HEATR5A: variants seen among roughly 807,000 people sequenced by gnomAD.
HEATR5A encodes HEAT repeat containing 5A.
HEATR5A carries 178 observed loss-of-function variants against 218.8 expected under a neutral mutation model. The ratio of observed to expected loss-of-function variants is 0.81; its 90% CI spans 0.72 to 0.92. HEATR5A has a LOEUF of 0.92. Ranked by LOEUF, HEATR5A falls within the 40% of genes least tolerant of loss-of-function variation. The pLI is 0.00. For synonymous variants in HEATR5A, 864 were observed against 871.6 expected, an observed-to-expected ratio of 0.99 and a Z score of 0.15; for missense variants, 2,420 against 2,418.9, an observed-to-expected ratio of 1.00 and a Z score of -0.01.
chr14:31,375,487 A>AC (rs1057509033), intron 11 of HEATR5A, among the ~76,000 whole-genome samples: 2 of 151,954 alleles, frequency 1.3e-5, no homozygotes, highest in Non-Finnish European at 2.9e-5. Flanking sequence ...CTCAATCTCA[A>AC]CCCCCCTGAG....
At chr14:31,413,954 T>A (rs1301412053) in intron 1 of HEATR5A, among the ~76,000 whole-genome samples, 4 of 152,228 alleles carry the variant, frequency 2.6e-5, no homozygotes. Context: ...TTCACTTTTA[T>A]GTCTCCAGTA....
chr14:31,338,017 T>C (rs1463626273), intron 21 of HEATR5A, among the ~76,000 whole-genome samples: 3 of 152,180 alleles, frequency 2.0e-5, no homozygotes, highest in African/African-American at 7.2e-5. Context: ...TTTATACACA[T>C]CCATATAGGC....
Position 31,365,052 on chromosome 14 carries a change from A to G in HEATR5A, c.1962-754T>C, listed in dbSNP as rs150004603. On this transcript the variant is annotated intron_variant, in intron 13 of 35. Transcript: ENST00000543095. ...ACCATGCCCGGCTAATTTTTGTATTATTGGTAGAGACGGGGTTTTACCATA... is the reference window on the plus strand; with the variant it reads ...ACCATGCCCGGCTAATTTTTGTATTGTTGGTAGAGACGGGGTTTTACCATA... Among the ~76,000 whole-genome samples the G allele has an allele frequency of 2.6e-5, 4 of 151,016 alleles. No homozygotes were observed. The East Asian group carries it at 8.0e-4, about 30-fold the overall frequency.
chr14:31,371,616 T>C (rs1902040162), intron 13 of HEATR5A, 194 bp downstream of exon 13: 1 of 394,820 alleles, frequency 2.5e-6, no homozygotes, highest in South Asian at 6.6e-5. Flanking sequence ...AGGTAGATTA[T>C]TCCCCTAAAA....
chr14:31,400,616 GA>G, intron 2 of HEATR5A, 104 bp from the exon 3 acceptor site: 1 of 746,112 alleles, frequency 1.3e-6, no homozygotes, highest in East Asian at 2.8e-5. Flanking sequence ...AAAGGCTCTA[GA>G]AAAATACAAA....
rs77314233 is a variant in HEATR5A at position 31,334,220 on chromosome 14, G to A, written c.3367+3256C>T. 2,950 of 296,688 alleles carry A rather than the reference G, an allele frequency of 9.9e-3. 63 individuals carry two copies. Among genetic ancestry groups the A allele is most frequent in the African/African-American group, 0.058 (2,673 of 46,156 alleles). 18.4% of individuals were successfully genotyped at this position (296,688 alleles called of 1,614,324 possible). On this transcript the variant is annotated intron_variant, in intron 22 of 35. Coordinates refer to ENST00000543095, the MANE Select transcript of HEATR5A (RefSeq NM_015473.4). ...TGTGCCTAGTTACCCAAGAGCTCTC[G>A]TGGAGGCGTACAAGGAGATAAATGT... is the stretch of plus-strand genomic sequence containing the variant.
chr14:31,341,720 A>T (rs568499053), intron 21 of HEATR5A, among the ~76,000 whole-genome samples: 150 of 152,274 alleles, frequency 9.9e-4, no homozygotes, highest in Non-Finnish European at 2.0e-3. Flanking sequence ...ATTCATCATG[A>T]ATTAATGGGT....
chr14:31,381,790 A>C (rs927422485), intron 10 of HEATR5A, among the ~76,000 whole-genome samples: 4 of 152,134 alleles, frequency 2.6e-5, no homozygotes, highest in Non-Finnish European at 5.9e-5. Context: ...TGTTTCAAAA[A>C]AAGGGGTCCA....
chr14:31,409,768 T>C (rs1368716218), intron 1 of HEATR5A, among the ~76,000 whole-genome samples: 1 of 152,194 alleles, frequency 6.6e-6, no homozygotes, highest in African/African-American at 2.4e-5. Flanking sequence ...TTCAATTTTA[T>C]TTAGGCATGA....
intron 25 of HEATR5A, among the ~76,000 whole-genome samples, chr14:31,321,015 C>T (rs1292271077): frequency 1.3e-5 from 2 of 152,188 alleles, no homozygotes; most frequent in Non-Finnish European, 2.9e-5. Context: ...GATACCTACT[C>T]ATTTACGAGG....
At chr14:31,334,277 C>T (rs535133989) in intron 22 of HEATR5A, 18 of 376,620 alleles carry the variant, frequency 4.8e-5, no homozygotes, top group Admixed American at 9.4e-5. Flanking sequence ...AATATCCATT[C>T]GCAGATTAAG....
chr14:31,417,983 G>A (rs1164736260), intron 1 of HEATR5A, among the ~76,000 whole-genome samples: 1 of 152,022 alleles, frequency 6.6e-6, no homozygotes, highest in Non-Finnish European at 1.5e-5. Flanking sequence ...CGAGGCGGGC[G>A]GATCACCTGA....
chr14:31,349,860 T>G lies in HEATR5A; in HGVS notation c.2637A>C (p.Ser879=). The G allele has an allele frequency of 6.2e-7, 1 of 1,612,674 alleles. No individual in the cohort carries two copies. The highest frequency in any genetic ancestry group is 2.2e-5 in the East Asian group (1 of 44,864). ...CTACCACTTGGGCTAATCTAGCCCA[T>G]GACTCTGCAGCTGCACATCTCAGCA... ...NPLLRCAAAE[S]WARLAQVVDD... Residue 879 remains serine (S), a synonymous_variant, in exon 18 of 36, where the codon TCA becomes TCC. Coordinates refer to ENST00000543095, the MANE Select transcript of HEATR5A (RefSeq NM_015473.4).
chr14:31,395,238 C>T lies in HEATR5A; in HGVS notation c.558G>A (p.Leu186=). 1 of 1,533,904 alleles carries T rather than the reference C, an allele frequency of 6.5e-7. No homozygotes were observed. Among genetic ancestry groups the T allele is most frequent in the Non-Finnish European group, 8.7e-7 (1 of 1,145,150 alleles). The change falls in exon 5 of 36, where the codon TTG becomes TTA. Residue 186 remains leucine, a synonymous_variant. Transcript: ENST00000543095. ...AACGAACAGCCATGGATCTATCTGTCAAGCAGGATCTAGCAGCTTTATAAA... is the reference window on the plus strand; with the variant it reads ...AACGAACAGCCATGGATCTATCTGTTAAGCAGGATCTAGCAGCTTTATAAA... ...RDVYKAARSC[L]TDRSMAVRCA...
intron 22 of HEATR5A, among the ~76,000 whole-genome samples, chr14:31,335,471 C>T (rs141058176): frequency 6.6e-5 from 10 of 152,042 alleles, no homozygotes; most frequent in Admixed American, 5.9e-4. Context: ...AAGTACATGC[C>T]GCCACAACTT....
intron 34 of HEATR5A, among the ~76,000 whole-genome samples, chr14:31,294,391 G>A (rs950825345): frequency 2.1e-4 from 31 of 148,420 alleles, no homozygotes; most frequent in Non-Finnish European, 4.1e-4. Flanking sequence ...TCTCTATAAT[G>A]TAAAAAACAA....
intron 1 of HEATR5A, among the ~76,000 whole-genome samples, chr14:31,412,145 C>T (rs1298707380): frequency 1.3e-5 from 2 of 152,146 alleles, no homozygotes; most frequent in Non-Finnish European, 2.9e-5. Flanking sequence ...CGTTGAGTCA[C>T]TGCATGCAGC....
chr14:31,358,796 C>T lies in HEATR5A; in HGVS notation c.2252G>A (p.Gly751Asp). Residue 751 changes from glycine (G) to aspartate (D), a missense_variant, in exon 16 of 36, where the codon GGT (glycine) becomes GAT (aspartate). Coordinates refer to ENST00000543095, the MANE Select transcript of HEATR5A (RefSeq NM_015473.4). Reference sequence around the variant, plus strand: ...ATATTCAAGACTTCCGCAAGCAACACCATTACCAAGCAGGAGCTAAAAGGG... The same window carrying T: ...ATATTCAAGACTTCCGCAAGCAACATCATTACCAAGCAGGAGCTAAAAGGG... ...FIEEQLLLGN[G>D]VACGSLEYDP... 6.2e-7 allele frequency: 1 copy of T among 1,613,448 alleles called. No homozygotes were observed. The highest frequency in any genetic ancestry group is 8.5e-7 in the Non-Finnish European group (1 of 1,179,772).
chr14:31,382,306 T>C (rs1019629355), intron 10 of HEATR5A, among the ~76,000 whole-genome samples: 2 of 152,208 alleles, frequency 1.3e-5, no homozygotes, highest in African/African-American at 2.4e-5. Context: ...TTCAGTGGCA[T>C]TGGCAATACT....
Sources: allele counts gnomAD v4.1 joint callset (sites outside exome capture counted in the v4.1 genomes callset), GRCh38; gene constraint gnomAD v4.1.1; transcripts MANE v1.5; gene names NCBI Gene and HGNC (gene_info 2026-07-23, HGNC 2026-07-21).